Variants in STK32B observed in about 807,000 individuals in gnomAD.
The protein encoded by STK32B is serine/threonine-protein kinase 32B.
STK32B carries 43 observed loss-of-function variants against 52.6 expected under a neutral mutation model. That is an observed-to-expected ratio of 0.82 (90% CI 0.64 to 1.05). The LOEUF (loss-of-function observed/expected upper bound fraction) is 1.05. STK32B is among the 50% of genes least tolerant of loss of function. The probability of loss-of-function intolerance (pLI) is 0.00; values close to 1 mark genes in which losing one functional copy is unlikely to be tolerated. For synonymous variants in STK32B, 238 were observed against 204.3 expected (o/e 1.17, Z -1.41); for missense variants, 621 against 534.6 (o/e 1.16, Z -1.59).
intron 11 of STK32B, among the ~76,000 whole-genome samples, chr4:5,493,618 T>C (rs896763033): frequency 5.4e-4 from 82 of 152,326 alleles, no homozygotes; most frequent in African/African-American, 1.7e-3. Flanking sequence ...TGCCTTCTGC[T>C]AGCTTTTGGA....
intron 3 of STK32B, among the ~76,000 whole-genome samples, chr4:5,231,565 T>C (rs1439180143): frequency 6.6e-6 from 1 of 152,086 alleles, no homozygotes; most frequent in African/African-American, 2.4e-5. Flanking sequence ...TGAGCCGAGA[T>C]TGCACCACGG....
intron 4 of STK32B, among the ~76,000 whole-genome samples, chr4:5,358,671 C>G (rs1734332200): frequency 6.6e-6 from 1 of 150,424 alleles, no homozygotes; most frequent in South Asian, 2.1e-4. Flanking sequence ...CTGTTACCTC[C>G]AGGACATGCC....
In STK32B at chr4:5,395,965, C is replaced by T. The variant is rs58201654; in HGVS notation, c.435-2242C>T. 0.011 allele frequency among the ~76,000 whole-genome samples: 1,660 copies of T among 152,266 alleles called. 27 individuals carry two copies. Among genetic ancestry groups the T allele is most frequent in the African/African-American group, 0.037 (1,546 of 41,554 alleles). ...CGCCGGTGCAATGTGGATGTGGGGG[C>T]GTGGCCAGGCCCTGGGCTTGTCCAA... On this transcript the variant is annotated intron_variant, in intron 4 of 11. Coordinates refer to ENST00000282908, the MANE Select transcript of STK32B (RefSeq NM_018401.3). This position sits in a 1 kb window ranked among gnomAD's most constrained non-coding sequence, Gnocchi z 4.4.
intron 3 of STK32B, among the ~76,000 whole-genome samples, chr4:5,279,694 G>T (rs913845512): frequency 1.3e-5 from 2 of 152,094 alleles, no homozygotes; most frequent in Non-Finnish European, 2.9e-5. Flanking sequence ...TGAGGGCTCC[G>T]CCAGGTGTTG....
intron 3 of STK32B, among the ~76,000 whole-genome samples, chr4:5,250,629 G>T (rs549868249): frequency 6.6e-6 from 1 of 152,186 alleles, no homozygotes; most frequent in Non-Finnish European, 1.5e-5. Flanking sequence ...AGTTCTTTAA[G>T]AAATTGCCAA....
At chr4:5,222,278 A>T (rs1017745892) in intron 3 of STK32B, among the ~76,000 whole-genome samples, 1 of 152,220 alleles carries the variant, frequency 6.6e-6, no homozygotes, top group Non-Finnish European at 1.5e-5. Flanking sequence ...TACCTAAAAA[A>T]GTGGAAGTAG....
chr4:5,045,494 T>G, the STK32B span, among the ~76,000 whole-genome samples: 1 of 152,242 alleles, frequency 6.6e-6, no homozygotes. Context: ...ATCTATAGAT[T>G]ACTTTGGGCA....
chr4:5,459,349 A>G (rs1333456184), intron 8 of STK32B, among the ~76,000 whole-genome samples: 1 of 141,344 alleles, frequency 7.1e-6, no homozygotes, highest in Admixed American at 8.0e-5. Flanking sequence ...TCATCCTACC[A>G]TGAGCTGGAA....
intron 4 of STK32B, among the ~76,000 whole-genome samples, chr4:5,361,524 A>T (rs905334188): frequency 8.5e-5 from 13 of 152,204 alleles, no homozygotes; most frequent in Admixed American, 3.3e-4. Flanking sequence ...GGTGTGTGCC[A>T]TCATGCCCAG....
At chr4:5,350,948 G>T (rs1023854376) in intron 4 of STK32B, among the ~76,000 whole-genome samples, 2 of 152,072 alleles carry the variant, frequency 1.3e-5, no homozygotes, top group East Asian at 1.9e-4. Context: ...CCCAATGGTG[G>T]AGCACCCAGA....
chr4:5,211,575 G>T (rs1222735585), intron 3 of STK32B, among the ~76,000 whole-genome samples: 4 of 152,136 alleles, frequency 2.6e-5, no homozygotes, highest in Admixed American at 1.3e-4. Flanking sequence ...GTAGGACTAG[G>T]GGAGGAGGGG....
chr4:5,344,478 C>G (rs1451562971), intron 4 of STK32B, among the ~76,000 whole-genome samples: 1 of 152,178 alleles, frequency 6.6e-6, no homozygotes, highest in Non-Finnish European at 1.5e-5. Flanking sequence ...ATGACCCACT[C>G]ACTTCATCAG....
At chr4:5,135,097 C>G (rs796317636) in intron 1 of STK32B, among the ~76,000 whole-genome samples, 12 of 152,208 alleles carry the variant, frequency 7.9e-5, no homozygotes, top group African/African-American at 2.7e-4. Context: ...CCAGATTTAT[C>G]AGTCGTGGAA....
Position 5,469,289 on chromosome 4 carries a change from A to G in STK32B, c.1106+1219A>G, listed in dbSNP as rs564326022. Among the ~76,000 whole-genome samples the G allele has an allele frequency of 9.2e-5, 14 of 152,324 alleles. No individual in the cohort carries two copies. The highest frequency in any genetic ancestry group is 3.4e-4 in the African/African-American group (14 of 41,584). ...CCAGTATTCAACCGTTTTGGCTTTC[A>G]GCAGATGCTAACAGCGCAGGAAACA... On this transcript the variant is annotated intron_variant, in intron 11 of 11. Coordinates refer to ENST00000282908, the MANE Select transcript of STK32B (RefSeq NM_018401.3). This position sits in a 1 kb window ranked among gnomAD's most constrained non-coding sequence, Gnocchi z 4.7.
chr4:5,129,999 C>T (rs74553344), intron 1 of STK32B, among the ~76,000 whole-genome samples: 1,736 of 152,092 alleles, frequency 0.011, 16 homozygotes, highest in South Asian at 0.045. Context: ...GTTGACATCC[C>T]AAAGGAGAGG....
At chr4:5,236,141 A>C (rs567819732) in intron 3 of STK32B, among the ~76,000 whole-genome samples, 1 of 152,088 alleles carries the variant, frequency 6.6e-6, no homozygotes, top group Non-Finnish European at 1.5e-5. Flanking sequence ...CATAGCTTGC[A>C]CGGGGAAAAG....
intron 3 of STK32B, among the ~76,000 whole-genome samples, chr4:5,285,234 T>C (rs1360422632): frequency 6.6e-6 from 1 of 152,186 alleles, no homozygotes; most frequent in Non-Finnish European, 1.5e-5. Context: ...AGTAAAGTCT[T>C]AAGGCAGTCA....
chr4:5,144,783 C>CTCATTAAT (rs71169681), intron 2 of STK32B, among the ~76,000 whole-genome samples: 2 of 121,066 alleles, frequency 1.7e-5, no homozygotes, highest in Non-Finnish European at 3.2e-5. Flanking sequence ...CACTCATTCA[C>CTCATTAAT]TCATCCATCC....
chr4:5,367,182 C>CAAAG (rs1246019738), intron 4 of STK32B, among the ~76,000 whole-genome samples: 1 of 152,128 alleles, frequency 6.6e-6, no homozygotes, highest in African/African-American at 2.4e-5. Context: ...ACGGGCCTTT[C>CAAAG]GTAAGACATT....
Sources: allele counts gnomAD v4.1 joint callset (sites outside exome capture counted in the v4.1 genomes callset), GRCh38; gene constraint gnomAD v4.1.1; non-coding constraint Gnocchi (gnomAD v3.1); transcripts MANE v1.5; gene names NCBI Gene and HGNC (gene_info 2026-07-23, HGNC 2026-07-21).